The following IQCK variants were observed in gnomAD, a reference collection of about 807,000 sequenced individuals.
IQCK encodes the protein IQ domain-containing protein K.
Under a neutral mutation model 28.1 loss-of-function variants are expected in IQCK, and 29 were observed. The observed-to-expected ratio is 1.03, with a 90% CI of 0.77 to 1.41. The LOEUF is 1.41. IQCK is among the 40% of genes most tolerant of loss of function. The pLI, the probability that IQCK is intolerant of heterozygous loss-of-function variation, is 0.00. For synonymous variants in IQCK, 113 were observed against 115.1 expected (o/e 0.98, Z 0.12); for missense variants, 359 against 314.7 (o/e 1.14, Z -1.07).
exon 10 of IQCK, chr16:19,857,356 C>A: frequency 2.5e-6 from 1 of 399,498 alleles, no homozygotes; most frequent in Non-Finnish European, 4.8e-6. Context: ...TAAAACCTAT[C>A]TGCCCATGGT....
chr16:19,772,693 A>G (rs1463082077), intron 6 of IQCK, among the ~76,000 whole-genome samples: 2 of 152,170 alleles, frequency 1.3e-5, no homozygotes, highest in African/African-American at 2.4e-5. Flanking sequence ...AGCTTTTAAA[A>G]TTTCCATAAC....
intron 6 of IQCK, among the ~76,000 whole-genome samples, chr16:19,781,485 A>G (rs752363086): frequency 3.3e-5 from 5 of 152,172 alleles, no homozygotes; most frequent in Non-Finnish European, 7.3e-5. Flanking sequence ...GCAACATCAT[A>G]TCCTGGTAAC....
At chr16:19,779,777 G>A (rs905343105) in intron 6 of IQCK, among the ~76,000 whole-genome samples, 1 of 150,544 alleles carries the variant, frequency 6.6e-6, no homozygotes, top group African/African-American at 2.4e-5. Flanking sequence ...GAGTGCAGTG[G>A]TGCGATCTCG....
rs971035593 is a variant in IQCK, at chr16:19,820,911, G to A, written c.691-6115G>A. ...AACAAATAAAATGGGCAAAGGCCTT[G>A]AATAGACATTTCTCCAAGAAGTTAT... On this transcript the variant is annotated intron_variant, in intron 7 of 7. Transcript: ENST00000564186. 2.6e-5 allele frequency among the ~76,000 whole-genome samples: 4 copies of A among 152,196 alleles called. No homozygotes were observed. The East Asian group carries it at 7.7e-4, about 29-fold the overall frequency.
chr16:19,848,770 T>A (rs1726903913), intron 9 of IQCK, among the ~76,000 whole-genome samples: 1 of 152,196 alleles, frequency 6.6e-6, no homozygotes, highest in African/African-American at 2.4e-5. Flanking sequence ...ATCCAGCTTT[T>A]AAGTGGCAGA....
intron 7 of IQCK, among the ~76,000 whole-genome samples, chr16:19,814,084 G>C (rs922705601): frequency 1.3e-5 from 2 of 152,002 alleles, no homozygotes; most frequent in Non-Finnish European, 2.9e-5. Flanking sequence ...GTTGGGTGTG[G>C]TGGCGGGTAA....
intron 9 of IQCK, among the ~76,000 whole-genome samples, chr16:19,847,043 A>G (rs2056422331): frequency 6.6e-6 from 1 of 152,122 alleles, no homozygotes; most frequent in Admixed American, 6.5e-5. Flanking sequence ...TAACTCTGTG[A>G]CCTTGGGCAC....
At chr16:19,778,118 A>G (rs1269272280) in intron 6 of IQCK, among the ~76,000 whole-genome samples, 1 of 152,182 alleles carries the variant, frequency 6.6e-6, no homozygotes, top group Admixed American at 6.6e-5. Flanking sequence ...CTGGGCTCCA[A>G]TCTTAGTTCC....
intron 9 of IQCK, among the ~76,000 whole-genome samples, chr16:19,842,423 T>C (rs2056372112): frequency 1.3e-5 from 2 of 152,208 alleles, no homozygotes; most frequent in Non-Finnish European, 2.9e-5. Flanking sequence ...TTCCCATGGT[T>C]TTAGATTTTC....
At chr16:19,776,132 C>T (rs931576338) in intron 6 of IQCK, among the ~76,000 whole-genome samples, 5 of 151,940 alleles carry the variant, frequency 3.3e-5, no homozygotes, top group African/African-American at 9.7e-5. Context: ...CCACCTGCCT[C>T]GGCCTCCCAA....
intron 1 of IQCK, among the ~76,000 whole-genome samples, chr16:19,721,585 TC>T (rs1248411118): frequency 7.4e-6 from 1 of 135,630 alleles, no homozygotes; most frequent in Non-Finnish European, 1.5e-5. Flanking sequence ...CTTAACAGTT[TC>T]CTTTTTTTTT....
At chr16:19,762,712 C>T (rs965606558) in intron 4 of IQCK, among the ~76,000 whole-genome samples, 25 of 152,172 alleles carry the variant, frequency 1.6e-4, no homozygotes, top group African/African-American at 5.8e-4. Context: ...CCCGTGCAGT[C>T]AAAAATCCAC....
Position 19,851,229 on chromosome 16 carries a change from GCT to G in IQCK, c.803-5253_803-5252del, listed in dbSNP as rs1283122268. Reference sequence around the variant, plus strand: ...CTGTTTCCCAAACTTGCCCAAATCTGCTCTCTTTCCCAAACTTGCCAGATCAA... The same window carrying G: ...CTGTTTCCCAAACTTGCCCAAATCTGCTCTTTCCCAAACTTGCCAGATCAA... On this transcript the variant is annotated intron_variant, in intron 9 of 9. Transcript: ENST00000320394. Among the ~76,000 whole-genome samples, 15 of 152,186 alleles carry G rather than the reference GCT, an allele frequency of 9.9e-5. No homozygotes were observed. The East Asian group carries it at 2.7e-3, about 28-fold the overall frequency.
chr16:19,736,274 T>C, intron 4 of IQCK: 1 of 422,516 alleles, frequency 2.4e-6, no homozygotes, highest in East Asian at 7.1e-5. Flanking sequence ...AGTATCTTTT[T>C]TCTTTTTGAG....
chr16:19,759,973 A>C (rs975592310), intron 4 of IQCK, among the ~76,000 whole-genome samples: 7 of 152,000 alleles, frequency 4.6e-5, no homozygotes, highest in Non-Finnish European at 7.4e-5. Flanking sequence ...GAAAGTTTTA[A>C]AAGTATATTA....
At chr16:19,761,600 A>C (rs1259610030) in intron 4 of IQCK, 1 of 280,652 alleles carries the variant, frequency 3.6e-6, no homozygotes, top group East Asian at 8.8e-5. Context: ...CGATTTCCAT[A>C]ACAATTCTCT....
intron 2 of IQCK, among the ~76,000 whole-genome samples, chr16:19,732,236 G>A (rs1014649163): frequency 1.1e-4 from 17 of 152,282 alleles, no homozygotes; most frequent in African/African-American, 3.9e-4. Flanking sequence ...TAGTTACCTA[G>A]GTATCCCTTA....
chr16:19,718,378 C>T lies in IQCK; in HGVS notation c.72C>T (p.Phe24=), dbSNP rs760207487. The T allele has an allele frequency of 4.4e-6, 7 of 1,608,244 alleles. No homozygotes were observed. In the East Asian group the frequency reaches 1.3e-4, roughly 31 times the overall value. The change falls in exon 1 of 8, where the codon TTC becomes TTT. Residue 24 remains phenylalanine, a synonymous_variant. Transcript: ENST00000564186. The stretch of plus-strand genomic sequence containing the variant: ...CCAGCTGCTCTACAGACTCGTCGTT[C>T]ACCCGGACGCCGGTGCCCACCGTGT...
intron 1 of IQCK, among the ~76,000 whole-genome samples, chr16:19,721,991 A>T (rs1977510079): frequency 6.6e-6 from 1 of 152,200 alleles, no homozygotes; most frequent in South Asian, 2.1e-4. Context: ...TGCTGTTGTA[A>T]AATCTGGCCT....
Sources: allele counts gnomAD v4.1 joint callset (sites outside exome capture counted in the v4.1 genomes callset), GRCh38; gene constraint gnomAD v4.1.1; transcripts MANE v1.5; gene names NCBI Gene and HGNC (gene_info 2026-07-23, HGNC 2026-07-21).